DPP10: variants seen among roughly 807,000 people sequenced by gnomAD.
DPP10 encodes the protein dipeptidyl peptidase like 10, also known as inactive dipeptidyl peptidase 10.
Under a neutral mutation model 120.9 loss-of-function variants are expected in DPP10, and 33 were observed. The observed-to-expected ratio is 0.27, with a 90% CI of 0.21 to 0.37. The LOEUF is 0.37. DPP10 is among the 10% of genes least tolerant of loss of function. The pLI is 1.00. For missense variants in DPP10, 816 were observed against 942.8 expected (o/e 0.87, Z 1.76); for synonymous variants, 337 against 326.1 (o/e 1.03, Z -0.36).
intron 7 of DPP10, among the ~76,000 whole-genome samples, chr2:115,696,965 A>C (rs2091625871): frequency 1.3e-5 from 2 of 152,160 alleles, no homozygotes; most frequent in Non-Finnish European, 2.9e-5. Flanking sequence ...GAAACTATGA[A>C]TGAGCAACGT....
At chr2:115,708,152 A>G (rs1435992160) in intron 7 of DPP10, among the ~76,000 whole-genome samples, 4 of 151,972 alleles carry the variant, frequency 2.6e-5, no homozygotes, top group Non-Finnish European at 5.9e-5. Context: ...AAAAATAATT[A>G]TTGTTTTAGA....
intron 5 of DPP10, among the ~76,000 whole-genome samples, chr2:115,528,613 A>G (rs929404352): frequency 6.6e-6 from 1 of 152,080 alleles, no homozygotes; most frequent in African/African-American, 2.4e-5. Context: ...GACAGCCCAG[A>G]TGTTCTTCAA....
Position 115,844,569 on chromosome 2 carries a change from T to C in DPP10, c.*2224T>C, listed in dbSNP as rs1410308092. 2 of 152,094 alleles carry C rather than the reference T, an allele frequency of 1.3e-5. No homozygotes were observed. Among genetic ancestry groups the C allele is most frequent in the Admixed American group, 1.3e-4 (2 of 15,270 alleles). The allele number at this position is 152,094 out of a possible 1,614,324, so 9.4% of individuals were successfully genotyped here. A position where few individuals can be genotyped will look rare whatever the true frequency, so the allele number is the denominator to read the frequency against. On this transcript the variant is annotated 3_prime_UTR_variant, in exon 26 of 26. Transcript: ENST00000410059. ...GTTTTAATGACAGGGTCATTTTCAG[T>C]AAAGGAAATGCTCACCAACACATAG...
intron 2 of DPP10, among the ~76,000 whole-genome samples, chr2:115,336,419 G>A (rs1362957065): frequency 6.6e-6 from 1 of 151,896 alleles, no homozygotes; most frequent in Non-Finnish European, 1.5e-5. Flanking sequence ...CTAAATACTT[G>A]TGAATTGTTA....
intron 1 of DPP10, among the ~76,000 whole-genome samples, chr2:114,800,788 G>A (rs974643992): frequency 5.3e-5 from 8 of 152,080 alleles, no homozygotes; most frequent in African/African-American, 1.9e-4. Context: ...TTTGAACCCA[G>A]GTCTTATGTG....
chr2:114,771,593 AT>A (rs373959980), intron 1 of DPP10, among the ~76,000 whole-genome samples: 18 of 152,328 alleles, frequency 1.2e-4, no homozygotes, highest in African/African-American at 4.3e-4. Flanking sequence ...ATCTCTTTCT[AT>A]CTTTAGTGAT....
intron 1 of DPP10, chr2:115,131,987 G>T (rs1467534286): frequency 1.3e-5 from 2 of 152,070 alleles, no homozygotes; most frequent in Non-Finnish European, 2.9e-5. Flanking sequence ...CTACTCTGGA[G>T]GCTGGGGCAG....
At chr2:114,992,253 G>C (rs980836739) in intron 1 of DPP10, among the ~76,000 whole-genome samples, 3 of 152,170 alleles carry the variant, frequency 2.0e-5, no homozygotes, top group Admixed American at 1.3e-4. Context: ...GCATTCTTCT[G>C]CATACCTAGT....
chr2:114,757,663 A>G (rs893678784), intron 1 of DPP10, among the ~76,000 whole-genome samples: 1 of 152,186 alleles, frequency 6.6e-6, no homozygotes, highest in Admixed American at 6.5e-5. Context: ...AACAGAAATT[A>G]GTAGCCTTAA....
chr2:114,903,765 G>A (rs552322778), intron 1 of DPP10, among the ~76,000 whole-genome samples: 2 of 152,178 alleles, frequency 1.3e-5, no homozygotes, highest in Non-Finnish European at 2.9e-5. Context: ...GCCATAACCA[G>A]ATAGGATTTG....
At chr2:115,638,237 C>A (rs1022547785) in intron 5 of DPP10, among the ~76,000 whole-genome samples, 1 of 152,096 alleles carries the variant, frequency 6.6e-6, no homozygotes, top group Admixed American at 6.6e-5. Context: ...CTTAGAATTC[C>A]AAGTGTGCAT....
At chr2:115,332,237 G>A (rs541037471) in intron 2 of DPP10, among the ~76,000 whole-genome samples, 1 of 152,130 alleles carries the variant, frequency 6.6e-6, no homozygotes, top group Non-Finnish European at 1.5e-5. Context: ...ATTCTCTGAT[G>A]GTAGTTTGTA....
intron 5 of DPP10, among the ~76,000 whole-genome samples, chr2:115,603,146 G>GTA (rs1328610439): frequency 6.2e-4 from 57 of 92,468 alleles, no homozygotes; most frequent in East Asian, 1.5e-3. Flanking sequence ...GTGTGTGTGT[G>GTA]TGTGTGTGTG....
In DPP10 at chr2:114,777,386, C is replaced by T. The variant is rs191223254; in HGVS notation, c.60+334548C>T. Among the ~76,000 whole-genome samples, 296 of 152,228 alleles carry T rather than the reference C, an allele frequency of 1.9e-3. No homozygotes were observed. In the Middle Eastern group the frequency reaches 0.034, roughly 17 times the overall value. On this transcript the variant is annotated intron_variant, in intron 1 of 25. Coordinates refer to ENST00000410059, the MANE Select transcript of DPP10 (RefSeq NM_020868.6). ...AGAAATATATTACCCACATACATTT[C>T]TGAAGAGGGTTTTCAGGGCCCTTTT...
At position 114,951,470 on chromosome 2, in the gene DPP10, G is replaced by A. The variant is rs189132942; in HGVS notation, c.61-357769G>A. On this transcript the variant is annotated intron_variant, in intron 1 of 25. Transcript: ENST00000410059. Reference sequence around the variant, plus strand: ...ACTTTTAATTATATATGTTTAAAAAGTGATTGTAACCAATTTTGCATTCAT... The same window carrying A: ...ACTTTTAATTATATATGTTTAAAAAATGATTGTAACCAATTTTGCATTCAT... Among the ~76,000 whole-genome samples, 3 of 152,238 alleles carry A rather than the reference G, an allele frequency of 2.0e-5. No homozygotes were observed. In the East Asian group the frequency reaches 5.8e-4, roughly 29 times the overall value.
At chr2:114,646,855 A>T (rs1423903923) in intron 1 of DPP10, among the ~76,000 whole-genome samples, 1 of 152,178 alleles carries the variant, frequency 6.6e-6, no homozygotes, top group East Asian at 1.9e-4. Flanking sequence ...GGTGTCTGTA[A>T]AGATTCTCTC....
intron 1 of DPP10, among the ~76,000 whole-genome samples, chr2:114,827,714 G>A (rs1052065449): frequency 5.9e-5 from 9 of 152,092 alleles, no homozygotes; most frequent in Non-Finnish European, 1.2e-4. Flanking sequence ...CTTGTAAAAA[G>A]ATGCCTACCT....
At chr2:115,328,325 GA>G in intron 2 of DPP10, among the ~76,000 whole-genome samples, 1 of 152,132 alleles carries the variant, frequency 6.6e-6, no homozygotes, top group South Asian at 2.1e-4. Context: ...ATGTTAATTT[GA>G]AAAAGGTCTC....
At chr2:114,493,185 A>G (rs1682156272) in intron 1 of DPP10, among the ~76,000 whole-genome samples, 1 of 152,166 alleles carries the variant, frequency 6.6e-6, no homozygotes. Context: ...TGGTGAGCAG[A>G]TGAACTCTGG....
Sources: allele counts gnomAD v4.1 joint callset (sites outside exome capture counted in the v4.1 genomes callset), GRCh38; gene constraint gnomAD v4.1.1; transcripts MANE v1.5; gene names NCBI Gene and HGNC (gene_info 2026-07-23, HGNC 2026-07-21).